DENND2B: variants seen among roughly 807,000 people sequenced by gnomAD.
The protein encoded by DENND2B is DENN domain containing 2B.
A neutral mutation model predicts 116.0 loss-of-function variants in DENND2B; 32 were observed. The observed-to-expected ratio is 0.28, with a 90% CI of 0.21 to 0.37. The LOEUF is 0.37. Among genes scored for constraint, DENND2B ranks in the 10% least tolerant of loss-of-function variants. DENND2B has a pLI of 1.00. For synonymous variants in DENND2B, 588 were observed against 583.9 expected (o/e 1.01, Z -0.10); for missense variants, 1,276 against 1,477.7 (o/e 0.86, Z 2.24).
chr11:8,853,042 T>C (rs753369910), intron 3 of DENND2B, among the ~76,000 whole-genome samples: 3 of 152,156 alleles, frequency 2.0e-5, no homozygotes, highest in Non-Finnish European at 4.4e-5. Flanking sequence ...CAGGGCTCTG[T>C]CCTCATAAGC....
chr11:8,846,374 C>T (rs1594217068), intron 3 of DENND2B, among the ~76,000 whole-genome samples: 2 of 152,080 alleles, frequency 1.3e-5, no homozygotes, highest in Admixed American at 1.3e-4. Context: ...GAGGTCAGGG[C>T]GCTATCTATC....
chr11:8,776,612 T>C (rs1186792747), intron 1 of DENND2B: 1 of 209,006 alleles, frequency 4.8e-6, no homozygotes, highest in Non-Finnish European at 9.8e-6. Context: ...CCCAGCTAGA[T>C]GGGGTCTTCT....
At chr11:8,714,896 C>T (rs1293647861) in intron 6 of DENND2B, 190 bp from the exon 7 acceptor site, 1 of 573,260 alleles carries the variant, frequency 1.7e-6, no homozygotes, top group Non-Finnish European at 3.1e-6. Flanking sequence ...TGGTAGCTCT[C>T]CATATACCTA....
At chr11:8,806,639 C>CACACACACACACACACACACA (rs1565991413) in intron 1 of DENND2B, among the ~76,000 whole-genome samples, 117 of 147,704 alleles carry the variant, frequency 7.9e-4, no homozygotes, top group Middle Eastern at 3.7e-3. Flanking sequence ...CACACACACA[C>CACACACACACACACACACACA]CCAGGAGAGC....
At chr11:8,715,304 A>G (rs2044532060) in intron 6 of DENND2B, among the ~76,000 whole-genome samples, 1 of 152,152 alleles carries the variant, frequency 6.6e-6, no homozygotes, top group Admixed American at 6.5e-5. Flanking sequence ...AAAGCCTGGA[A>G]ATGCTTATGT....
At chr11:8,910,796 A>T (rs1030281012) in intron 1 of DENND2B, 2 of 153,212 alleles carry the variant, frequency 1.3e-5, no homozygotes, top group Non-Finnish European at 2.9e-5. Context: ...TTTTAGCTCA[A>T]CAGGAGACCT....
At chr11:8,859,067 A>C (rs1389417801) in intron 2 of DENND2B, among the ~76,000 whole-genome samples, 2 of 152,158 alleles carry the variant, frequency 1.3e-5, no homozygotes, top group Non-Finnish European at 2.9e-5. Flanking sequence ...AAAGGCCTCC[A>C]TTTGGCCCAA....
chr11:8,867,573 C>CTTTTTTTTTTTTTTT (rs33990941), intron 2 of DENND2B, among the ~76,000 whole-genome samples: 3 of 89,230 alleles, frequency 3.4e-5, no homozygotes, highest in Admixed American at 1.8e-4. Flanking sequence ...TAAAATTCAG[C>CTTTTTTTTTTTTTTT]TTTTTTTTTT....
rs116063342 is a variant in DENND2B, at chr11:8,757,240, G to A, written c.-25-6515C>T. 8.3e-3 allele frequency: 3,049 copies of A among 366,800 alleles called. 77 individuals are homozygous for A. Among genetic ancestry groups the A allele is most frequent in the African/African-American group, 0.059 (2,773 of 46,906 alleles). The allele number at this position is 366,800 out of a possible 1,614,324, so 22.7% of individuals were successfully genotyped here. Reference sequence around the variant, plus strand: ...AATAGCAATATGACCTACCTCCCATGATTGCCCTGTCTGGCAATAGAAGCT... The same window carrying A: ...AATAGCAATATGACCTACCTCCCATAATTGCCCTGTCTGGCAATAGAAGCT... On this transcript the variant is annotated intron_variant, in intron 1 of 19. Transcript: ENST00000313726.
Position 8,707,124 on chromosome 11 carries a change from G to T in DENND2B, c.2532C>A (p.Thr844=), listed in dbSNP as rs1368629979. 6.2e-7 allele frequency: 1 copy of T among 1,613,678 alleles called. No individual in the cohort carries two copies. The highest frequency in any genetic ancestry group is 1.1e-5 in the South Asian group (1 of 90,940). ...MESPFPAPGK[T]IKVKTFLPGA... ...CTGGCAGGAATGTCTTCACTTTGAT[G>T]GTCTTCCCTGGGGCTGGGAAGGGCG... The change falls in exon 13 of 20, where the codon ACC becomes ACA. Residue 844 remains threonine, a synonymous_variant. Coordinates refer to ENST00000313726, the MANE Select transcript of DENND2B (RefSeq NM_213618.2). The surrounding 1 kb of genome is among the most constrained non-coding windows in gnomAD (Gnocchi z 4.8).
In DENND2B at chr11:8,902,716, C is replaced by T. The variant is rs552943360; in HGVS notation, c.-256+8105G>A. 3.3e-5 allele frequency among the ~76,000 whole-genome samples: 5 copies of T among 152,296 alleles called. No individual in the cohort carries two copies. The East Asian group carries it at 9.6e-4, about 29-fold the overall frequency. On this transcript the variant is annotated intron_variant, in intron 1 of 22. Transcript: ENST00000534127. ...GCAGGATTCTGTTTCTTTACTCCAG[C>T]AATATTATGCTTATAGTTTACATGG...
At chr11:8,774,929 G>A (rs184446109) in intron 1 of DENND2B, among the ~76,000 whole-genome samples, 115 of 150,686 alleles carry the variant, frequency 7.6e-4, no homozygotes, top group African/African-American at 2.7e-3. Context: ...TGCCTAGGCT[G>A]CAGTGCAATG....
chr11:8,702,778 G>T lies in DENND2B; in HGVS notation c.2572-58C>A, dbSNP rs73410009. ...CCAGCCAAGTGGGTGCTGCCCTCTGGCCCTCCACGAAGCAACTGGAGCTGC... is the reference window on the plus strand; with the variant it reads ...CCAGCCAAGTGGGTGCTGCCCTCTGTCCCTCCACGAAGCAACTGGAGCTGC... On this transcript the variant is annotated intron_variant, in intron 13 of 19. Coordinates refer to ENST00000313726, the MANE Select transcript of DENND2B (RefSeq NM_213618.2). The surrounding 1 kb of genome is among the most constrained non-coding windows in gnomAD (Gnocchi z 4.6). 1.3e-3 allele frequency: 2,052 copies of T among 1,571,434 alleles called. 17 individuals carry two copies. The African/African-American group carries it at 0.026, about 20-fold the overall frequency.
At chr11:8,703,085 CCAGA>C (rs778079501) in intron 13 of DENND2B, 19 of 226,828 alleles carry the variant, frequency 8.4e-5, no homozygotes, top group Non-Finnish European at 1.1e-4. Context: ...GCCCACCTCC[CCAGA>C]CAAAGGTCTA....
intron 1 of DENND2B, among the ~76,000 whole-genome samples, chr11:8,902,282 C>T (rs988419685): frequency 7.4e-5 from 11 of 149,644 alleles, no homozygotes; most frequent in African/African-American, 2.7e-4. Flanking sequence ...GCTGAGATCA[C>T]ACCACTGCAC....
intron 4 of DENND2B, among the ~76,000 whole-genome samples, chr11:8,723,320 T>A (rs1043886241): frequency 7.2e-5 from 11 of 152,162 alleles, no homozygotes; most frequent in Non-Finnish European, 8.8e-5. Flanking sequence ...TGAACTGAAA[T>A]AATTTGAGAA....
intron 3 of DENND2B, among the ~76,000 whole-genome samples, chr11:8,727,987 ACACACACACACACACACACACG>A (rs2047400378): frequency 2.1e-5 from 3 of 139,940 alleles, no homozygotes; most frequent in Non-Finnish European, 1.6e-5. Context: ...ACACACACAC[ACACACACACACACACACACACG>A]CAAATTTTTT....
rs764933466 is a variant in DENND2B, at chr11:8,707,065, G to A, written c.2571+20C>T. 2 of 1,606,918 alleles carry A rather than the reference G, an allele frequency of 1.2e-6. No homozygotes were observed. The highest frequency in any genetic ancestry group is 1.3e-5 in the African/African-American group (1 of 74,860). ...CACCCCAGCCCGTAGCCCGAGAGAA[G>A]AGGGTGCAGAAATCCCTACCTCATT... On this transcript the variant is annotated intron_variant, in intron 13 of 19. Coordinates refer to ENST00000313726, the MANE Select transcript of DENND2B (RefSeq NM_213618.2). The surrounding 1 kb of genome is among the most constrained non-coding windows in gnomAD (Gnocchi z 4.8).
chr11:8,767,739 A>G (rs2056112808), intron 1 of DENND2B, among the ~76,000 whole-genome samples: 1 of 152,216 alleles, frequency 6.6e-6, no homozygotes, highest in Admixed American at 6.5e-5. Flanking sequence ...AAGGTAGATA[A>G]GATTAGTCTA....
Sources: allele counts gnomAD v4.1 joint callset (sites outside exome capture counted in the v4.1 genomes callset), GRCh38; gene constraint gnomAD v4.1.1; non-coding constraint Gnocchi (gnomAD v3.1); transcripts MANE v1.5; gene names NCBI Gene and HGNC (gene_info 2026-07-23, HGNC 2026-07-21).